The following SLC28A3 variants were observed in gnomAD, a reference collection of about 807,000 sequenced individuals.
SLC28A3 encodes the protein solute carrier family 28 member 3, also known as concentrative Na(+)-nucleoside cotransporter 3.
Under a neutral mutation model 84.2 loss-of-function variants are expected in SLC28A3, and 68 were observed. The ratio of observed to expected loss-of-function variants is 0.81; its 90% CI spans 0.66 to 0.99. The LOEUF is 0.99. SLC28A3 is among the 50% of genes least tolerant of loss of function. The pLI is 0.00. For missense variants in SLC28A3, 712 were observed against 841.5 expected (o/e 0.85, Z 1.90); for synonymous variants, 267 against 303.6 (o/e 0.88, Z 1.25).
chr9:84,348,065 G>T, the SLC28A3 span, among the ~76,000 whole-genome samples: 1 of 152,068 alleles, frequency 6.6e-6, no homozygotes, highest in African/African-American at 2.4e-5. Context: ...CCAAGTGCAG[G>T]GTTGGCACTT....
Position 84,308,470 on chromosome 9 carries a change from C to T in SLC28A3, c.242+1159G>A, listed in dbSNP as rs200514660. On this transcript the variant is annotated intron_variant, in intron 3 of 17. Coordinates refer to ENST00000376238, the MANE Select transcript of SLC28A3 (RefSeq NM_001199633.2). ...CTGAGGCAGGATAATTGCTTGAACCCGGGAGATGGAGGTTTCAGTGAGCTG... is the reference window on the plus strand; with the variant it reads ...CTGAGGCAGGATAATTGCTTGAACCTGGGAGATGGAGGTTTCAGTGAGCTG... Among the ~76,000 whole-genome samples, 12 of 149,604 alleles carry T rather than the reference C, an allele frequency of 8.0e-5. No homozygotes were observed. The East Asian group carries it at 1.9e-3, about 24-fold the overall frequency.
chr9:84,342,094 C>T (rs545007465), upstream of SLC28A3, among the ~76,000 whole-genome samples: 1 of 139,396 alleles, frequency 7.2e-6, no homozygotes, highest in South Asian at 2.2e-4. Flanking sequence ...GCACCGCTGC[C>T]TCCCATCTGG....
In SLC28A3 at chr9:84,329,954, G is replaced by A. The variant is rs187940350; in HGVS notation, c.60+10620C>T. On this transcript the variant is annotated intron_variant, in intron 1 of 17. Transcript: ENST00000376238. ...AGTGCTTACAGGGAATTTTATAATT[G>A]TAATTGCTTATATTATCAAGAAGTA... 8.3e-4 allele frequency among the ~76,000 whole-genome samples: 127 copies of A among 152,196 alleles called. 1 individual carries two copies. Among genetic ancestry groups the A allele is most frequent in the African/African-American group, 3.0e-3 (124 of 41,536 alleles).
intron 2 of SLC28A3, among the ~76,000 whole-genome samples, chr9:84,312,126 A>G (rs1042573979): frequency 6.6e-6 from 1 of 152,200 alleles, no homozygotes; most frequent in Non-Finnish European, 1.5e-5. Context: ...TCATTCACCT[A>G]CTGAAGGACA....
chr9:84,283,788 G>A (rs950426017), intron 14 of SLC28A3, among the ~76,000 whole-genome samples: 2 of 152,194 alleles, frequency 1.3e-5, no homozygotes, highest in Non-Finnish European at 2.9e-5. Context: ...TTTGCCTCAC[G>A]GACCCACATG....
Position 84,292,709 on chromosome 9 carries a change from TAGG to T in SLC28A3, c.979_981del (p.Pro327del), listed in dbSNP as rs762460790. 3.7e-6 allele frequency: 6 copies of T among 1,608,916 alleles called. No individual in the cohort carries two copies. In the African/African-American group the frequency reaches 6.7e-5, roughly 18 times the overall value. ...TTGCCAGAAGCAACTACAGATTCAA[TAGG>T]AGATGATCCCGTAGTAACTAGCATG... On this transcript the variant is annotated inframe_deletion, in exon 10 of 18. Coordinates refer to ENST00000376238, the MANE Select transcript of SLC28A3 (RefSeq NM_001199633.2).
At chr9:84,307,696 AAGC>A (rs201368810) in intron 3 of SLC28A3, among the ~76,000 whole-genome samples, 1 of 149,610 alleles carries the variant, frequency 6.7e-6, no homozygotes, top group African/African-American at 2.6e-5. Flanking sequence ...ATATATTAAG[AAGC>A]AGCAGCAGCA....
rs994520342 is a variant in SLC28A3, at chr9:84,297,011, C to T, written c.861+210G>A. 5.6e-4 allele frequency among the ~76,000 whole-genome samples: 85 copies of T among 152,192 alleles called. 1 individual carries two copies. Among genetic ancestry groups the T allele is most frequent in the African/African-American group, 2.0e-3 (83 of 41,430 alleles). On this transcript the variant is annotated intron_variant, in intron 8 of 17. Transcript: ENST00000376238. ...GTTCTGACTTCCTCTAGATGTTTCC[C>T]TTAACTCCATAGTAACAAGGTAAAA...
At chr9:84,320,880 TGC>T (rs1826351866) in intron 1 of SLC28A3, among the ~76,000 whole-genome samples, 1 of 150,682 alleles carries the variant, frequency 6.6e-6, no homozygotes, top group Admixed American at 6.6e-5. Flanking sequence ...GCAGGAGAAT[TGC>T]TTGAACCGGG....
chr9:84,364,529 G>A, the SLC28A3 span, among the ~76,000 whole-genome samples: 8 of 152,108 alleles, frequency 5.3e-5, no homozygotes, highest in Admixed American at 1.3e-4. Context: ...GGCCAATTAC[G>A]CTTTTTTAAG....
At chr9:84,312,144 T>C (rs1003633983) in intron 2 of SLC28A3, among the ~76,000 whole-genome samples, 2 of 152,238 alleles carry the variant, frequency 1.3e-5, no homozygotes, top group Non-Finnish European at 2.9e-5. Flanking sequence ...ACATTTTGGT[T>C]ACTTCCAAGT....
In SLC28A3 at chr9:84,340,610, G is replaced by A. The variant is rs1446863872; in HGVS notation, c.24C>T (p.Ala8=). The A allele has an allele frequency of 1.9e-6, 3 of 1,614,044 alleles. No homozygotes were observed. The highest frequency in any genetic ancestry group is 2.5e-6 in the Non-Finnish European group (3 of 1,180,032). The stretch of plus-strand genomic sequence containing the variant: ...CGTTGCTGTAGCCCTCAGCTCTGGG[G>A]GCTGCTGTACTCCTCAGCTCCATGC... The part of the protein sequence containing the change: MELRSTA[A]PRAEGYSNVG... The change falls in exon 1 of 18, where the codon GCC becomes GCT. Residue 8 remains alanine, a synonymous_variant. Coordinates refer to ENST00000376238, the MANE Select transcript of SLC28A3 (RefSeq NM_001199633.2).
chr9:84,340,815 GCAGAGAGGC>G, upstream of SLC28A3: 1 of 591,146 alleles, frequency 1.7e-6, no homozygotes, highest in Admixed American at 3.0e-5. Context: ...TTGGGGTGGG[GCAGAGAGGC>G]GGGCGGGTTG....
Position 84,297,277 on chromosome 9 carries a change from C to A in SLC28A3, c.805G>T (p.Ala269Ser). The change falls in exon 8 of 18, where the codon GCT becomes TCT. Residue 269 changes from alanine to serine, a missense_variant. Coordinates refer to ENST00000376238, the MANE Select transcript of SLC28A3 (RefSeq NM_001199633.2). ...QVQTFLEYTD[A>S]GASFVFGEKY... ...TCACCAAAGACAAATGAAGCACCAG[C>A]ATCTGTGTACTCCAGAAAAGTCTGA... 2 of 1,613,244 alleles carry A rather than the reference C, an allele frequency of 1.2e-6. No individual in the cohort carries two copies. The highest frequency in any genetic ancestry group is 1.7e-6 in the Non-Finnish European group (2 of 1,179,738).
intron 1 of SLC28A3, among the ~76,000 whole-genome samples, chr9:84,322,693 A>T (rs1313210555): frequency 6.6e-6 from 1 of 152,050 alleles, no homozygotes; most frequent in Non-Finnish European, 1.5e-5. Flanking sequence ...AAAAATACAA[A>T]AATTAGCCCA....
chr9:84,294,364 C>T (rs777312713), intron 8 of SLC28A3, 89 bp from the exon 9 acceptor site: 212 of 1,196,140 alleles, frequency 1.8e-4, no homozygotes, highest in South Asian at 6.7e-4. Flanking sequence ...CTCCTTTTCT[C>T]CCTCTGAAAC....
At chr9:84,351,565 GAGA>G in the SLC28A3 span, among the ~76,000 whole-genome samples, 6 of 151,872 alleles carry the variant, frequency 4.0e-5, no homozygotes, top group East Asian at 9.7e-4. Context: ...AGGCTGAAGT[GAGA>G]AGATCACCTG....
intron 8 of SLC28A3, among the ~76,000 whole-genome samples, chr9:84,296,443 C>G (rs967132271): frequency 2.6e-5 from 4 of 152,100 alleles, no homozygotes; most frequent in African/African-American, 9.7e-5. Context: ...TTTGGAGTCT[C>G]TAAGTGAGAA....
At chr9:84,337,638 A>T (rs1827026908) in intron 1 of SLC28A3, among the ~76,000 whole-genome samples, 1 of 152,210 alleles carries the variant, frequency 6.6e-6, no homozygotes, top group African/African-American at 2.4e-5. Flanking sequence ...TTCCACATAC[A>T]CGCAATACTT....
Sources: allele counts gnomAD v4.1 joint callset (sites outside exome capture counted in the v4.1 genomes callset), GRCh38; gene constraint gnomAD v4.1.1; transcripts MANE v1.5; gene names NCBI Gene and HGNC (gene_info 2026-07-23, HGNC 2026-07-21).